RHBDD3: variants seen among roughly 807,000 people sequenced by gnomAD.
RHBDD3 encodes the protein rhomboid domain-containing protein 3.
A neutral mutation model predicts 32.3 loss-of-function variants in RHBDD3; 34 were observed. That is an observed-to-expected ratio of 1.05 (90% CI 0.80 to 1.40). RHBDD3 has a LOEUF of 1.40. Ranked by LOEUF, RHBDD3 falls within the 40% of genes most tolerant of loss-of-function variation. RHBDD3 has a pLI of 0.00. For missense variants in RHBDD3, 482 were observed against 492.6 expected, an observed-to-expected ratio of 0.98 and a Z score of 0.20; for synonymous variants, 249 against 239.1, an observed-to-expected ratio of 1.04 and a Z score of -0.38.
At position 29,259,993 on chromosome 22, in the gene RHBDD3, G is replaced by GGGCTA. The variant is rs1250231667; in HGVS notation, c.*62_*66dup. 2.3e-5 allele frequency: 34 copies of GGGCTA among 1,490,722 alleles called. No homozygotes were observed. The highest frequency in any genetic ancestry group is 3.0e-5 in the Non-Finnish European group (33 of 1,109,250). The allele number at this position is 1,490,722 out of a possible 1,614,324, so 92.3% of individuals were successfully genotyped here. On this transcript the variant is annotated 3_prime_UTR_variant, in exon 7 of 7. Coordinates refer to ENST00000216085, the MANE Select transcript of RHBDD3 (RefSeq NM_012265.3). ...CCCTCTTTAGACAGAGTAGGAGCTC[G>GGGCTA]GGCTACCCACATGCAGCCCAGCCCT...
chr22:29,259,945 G>C lies in RHBDD3; in HGVS notation c.*115C>G. ...CTGGGGGGCCTCTCCTGCCTCCAGA[G>C]GTGCCCCTGCTCCCCACTGTGGCCC... On this transcript the variant is annotated 3_prime_UTR_variant, in exon 7 of 7. Coordinates refer to ENST00000216085, the MANE Select transcript of RHBDD3 (RefSeq NM_012265.3). The C allele has an allele frequency of 2.8e-6, 3 of 1,077,634 alleles. No homozygotes were observed. 66.8% of individuals were successfully genotyped at this position (1,077,634 alleles called of 1,614,324 possible).
chr22:29,263,920 C>T lies in RHBDD3; in HGVS notation c.447G>A (p.Pro149=), dbSNP rs549824670. ...GTGGGGTCAGGGCAAGCAGCAGCCA[C>T]GGCGACAGCCACGGTGGCAGTGCCC... The part of the protein sequence containing the change: ...PRGALPPWLS[P]WLLLALTPLL... The change falls in exon 4 of 7, where the codon CCG becomes CCA. Residue 149 remains proline, a synonymous_variant. Coordinates refer to ENST00000216085, the MANE Select transcript of RHBDD3 (RefSeq NM_012265.3). 2.5e-5 allele frequency: 38 copies of T among 1,549,724 alleles called. No individual in the cohort carries two copies. In the African/African-American group the frequency reaches 3.8e-4, roughly 16 times the overall value.
Position 29,264,147 on chromosome 22 carries a change from GCAGGAGCAGCAGGCT to G in RHBDD3, c.205_219del (p.Ser69_Leu73del). 6.3e-7 allele frequency: 1 copy of G among 1,584,614 alleles called. No individual in the cohort carries two copies. Among genetic ancestry groups the G allele is most frequent in the Non-Finnish European group, 8.6e-7 (1 of 1,166,938 alleles). ...CACTCCTGCTGCCAGCCCACAGTGGGCAGGAGCAGCAGGCTCAGGAGCAGGCCTGGCAGGGCCGTG... is the reference window on the plus strand; with the variant it reads ...CACTCCTGCTGCCAGCCCACAGTGGGCAGGAGCAGGCCTGGCAGGGCCGTG... On this transcript the variant is annotated inframe_deletion, in exon 4 of 7. Transcript: ENST00000216085.
intron 4 of RHBDD3, 63 bp from the exon 5 acceptor site, chr22:29,260,927 G>T: frequency 6.9e-7 from 1 of 1,442,602 alleles, no homozygotes; most frequent in East Asian, 2.4e-5. Flanking sequence ...GTGGGCCCAC[G>T]CCACAGGCCA....
Position 29,264,187 on chromosome 22 carries a change from G to A in RHBDD3, c.180C>T (p.His60=). Reference sequence around the variant, plus strand: ...TCAGGAGCAGGCCTGGCAGGGCCGTGTGGCCCAGGGCATGGGTCAGCAGCC... The same window carrying A: ...TCAGGAGCAGGCCTGGCAGGGCCGTATGGCCCAGGGCATGGGTCAGCAGCC... ...VHRLLTHALG[H]TALPGLLLSL... is the part of the protein sequence containing the mutation. The change falls in exon 4 of 7, where the codon CAC becomes CAT. Residue 60 remains histidine, a synonymous_variant. Coordinates refer to ENST00000216085, the MANE Select transcript of RHBDD3 (RefSeq NM_012265.3). 6.4e-7 allele frequency: 1 copy of A among 1,566,862 alleles called. No individual in the cohort carries two copies. The highest frequency in any genetic ancestry group is 8.6e-7 in the Non-Finnish European group (1 of 1,156,916).
chr22:29,265,698 A>G, intron 2 of RHBDD3, 30 bp from the exon 3 acceptor site: 1 of 1,501,416 alleles, frequency 6.7e-7, no homozygotes, highest in Non-Finnish European at 8.8e-7. Context: ...ATAACAAGTT[A>G]TTACTGGAGC....
At chr22:29,266,533 C>T (rs1390716432) in intron 2 of RHBDD3, among the ~76,000 whole-genome samples, 1 of 152,280 alleles carries the variant, frequency 6.6e-6, no homozygotes, top group African/African-American at 2.4e-5. Flanking sequence ...TAGCCACCAA[C>T]TGGCCCATCG....
intron 4 of RHBDD3, 179 bp from the exon 5 acceptor site, chr22:29,261,043 G>A (rs1014506284): frequency 2.8e-5 from 19 of 687,526 alleles, no homozygotes; most frequent in Admixed American, 2.4e-4. Flanking sequence ...GAAAGGAAAA[G>A]GGATCTGCCT....
intron 3 of RHBDD3, 52 bp downstream of exon 3, chr22:29,265,427 G>C (rs1452639820): frequency 1.4e-6 from 2 of 1,438,896 alleles, no homozygotes; most frequent in Non-Finnish European, 1.8e-6. Flanking sequence ...GTGGGCCCAG[G>C]CCCTACAGCA....
chr22:29,262,635 G>A (rs555305749), intron 4 of RHBDD3, among the ~76,000 whole-genome samples: 36 of 152,344 alleles, frequency 2.4e-4, no homozygotes, highest in African/African-American at 8.4e-4. Context: ...AATCAACTGA[G>A]TAGCATTACC....
Position 29,263,864 on chromosome 22 carries a change from A to T in RHBDD3, c.503T>A (p.Leu168His). The T allele has an allele frequency of 6.5e-7, 1 of 1,543,288 alleles. No individual in the cohort carries two copies. Among genetic ancestry groups the T allele is most frequent in the East Asian group, 2.5e-5 (1 of 40,774 alleles). Residue 168 changes from leucine to histidine, a missense_variant, in exon 4 of 7, where the codon CTC (leucine) becomes CAC (histidine). Leu to His is a moderately conservative substitution (Grantham distance 99). Coordinates refer to ENST00000216085, the MANE Select transcript of RHBDD3 (RefSeq NM_012265.3). ...LLSSEPPFLQ[L>H]LCGLLAGLAY... ...CAGGCCGGCAAGGAGGCCGCAAAGG[A>T]GCTGCAGGAAGGGTGGCTCAGAGCT...
rs112102989 is a variant in RHBDD3, at chr22:29,260,695, C to A, written c.695+7G>T. 7 of 1,570,586 alleles carry A rather than the reference C, an allele frequency of 4.5e-6. No individual in the cohort carries two copies. In the African/African-American group the frequency reaches 5.4e-5, roughly 12 times the overall value. ...ACCTGGACTGGCATCCCCCCCATCACCCTCACCTCACTCCGGCAGGATGGG... is the reference window on the plus strand; with the variant it reads ...ACCTGGACTGGCATCCCCCCCATCAACCTCACCTCACTCCGGCAGGATGGG... On this transcript the variant is annotated splice_region_variant and intron_variant, in intron 5 of 6. Transcript: ENST00000216085.
rs987440329 is a variant in RHBDD3, at chr22:29,260,749, G to A, written c.648C>T (p.Thr216=). The A allele has an allele frequency of 2.5e-6, 4 of 1,599,612 alleles. No homozygotes were observed. The African/African-American group carries it at 4.0e-5, about 16-fold the overall frequency. ...CAGGCAGCTCCGCCAGGCTACCCGG[G>A]GTGGCAAGGAGCCTCAGGGGCCAGC... ...AGCWPLRLLA[T]PGSLAELPVT... Residue 216 remains threonine (T), a synonymous_variant, in exon 5 of 7, where the codon ACC becomes ACT. Coordinates refer to ENST00000216085, the MANE Select transcript of RHBDD3 (RefSeq NM_012265.3).
Position 29,264,119 on chromosome 22 carries a change from T to C in RHBDD3, c.248A>G (p.His83Arg), listed in dbSNP as rs1354048882. The C allele has an allele frequency of 2.5e-6, 4 of 1,584,968 alleles. No individual in the cohort carries two copies. The part of the protein sequence containing the change: ...LPTVGWQQEC[H>R]LGTLRFLHAS... ...ATGCAGGAATCTCAGCGTGCCCAGG[T>C]GGCACTCCTGCTGCCAGCCCACAGT... is the stretch of plus-strand genomic sequence containing the variant. The change falls in exon 4 of 7, where the codon CAC becomes CGC. Residue 83 changes from histidine (H) to arginine (R), a missense_variant. By Grantham distance (29) the His-to-Arg change is conservative. Transcript: ENST00000216085.
intron 4 of RHBDD3, among the ~76,000 whole-genome samples, chr22:29,263,433 C>G (rs1385229925): frequency 1.3e-5 from 2 of 152,346 alleles, no homozygotes; most frequent in African/African-American, 4.8e-5. Flanking sequence ...CCCGCCTGGC[C>G]TCCCAAAGTG....
chr22:29,267,466 C>T lies in RHBDD3; in HGVS notation c.-83G>A, dbSNP rs1359704047. ...GGAGGGCAGAATGGAAAGACAAGGA[C>T]GGAGATTCTTCCGGTGGCGGATAGA... On this transcript the variant is annotated 5_prime_UTR_variant, in exon 2 of 7. Coordinates refer to ENST00000216085, the MANE Select transcript of RHBDD3 (RefSeq NM_012265.3). The T allele has an allele frequency of 6.5e-6, 1 of 152,870 alleles. No homozygotes were observed. The highest frequency in any genetic ancestry group is 1.5e-5 in the Non-Finnish European group (1 of 68,200). The allele number at this position is 152,870 out of a possible 1,614,324, so 9.5% of individuals were successfully genotyped here.
In RHBDD3 at chr22:29,260,722, G is replaced by A; in HGVS notation, c.675C>T (p.Val225=). Residue 225 remains valine (V), a synonymous_variant, in exon 5 of 7, where the codon GTC becomes GTT. Transcript: ENST00000216085. Reference sequence around the variant, plus strand: ...CTCACCTCACTCCGGCAGGATGGGTGACAGGCAGCTCCGCCAGGCTACCCG... The same window carrying A: ...CTCACCTCACTCCGGCAGGATGGGTAACAGGCAGCTCCGCCAGGCTACCCG... The part of the protein sequence containing the change: ...ATPGSLAELP[V]THPAGVRPPI... 6.3e-7 allele frequency: 1 copy of A among 1,589,532 alleles called. No individual in the cohort carries two copies. The highest frequency in any genetic ancestry group is 8.6e-7 in the Non-Finnish European group (1 of 1,168,672).
In RHBDD3 at chr22:29,263,911, C is replaced by G. The variant is rs2058147655; in HGVS notation, c.456G>C (p.Leu152=). 1 of 1,549,418 alleles carries G rather than the reference C, an allele frequency of 6.5e-7. No individual in the cohort carries two copies. ...ALPPWLSPWL[L]LALTPLLSSE... is the part of the protein sequence containing the mutation. ...AGCTGAGCAGTGGGGTCAGGGCAAGCAGCAGCCACGGCGACAGCCACGGTG... is the reference window on the plus strand; with the variant it reads ...AGCTGAGCAGTGGGGTCAGGGCAAGGAGCAGCCACGGCGACAGCCACGGTG... Residue 152 remains leucine (L), a synonymous_variant, in exon 4 of 7, where the codon CTG becomes CTC. Transcript: ENST00000216085.
At chr22:29,267,021 A>AC (rs2058212868) in intron 2 of RHBDD3, among the ~76,000 whole-genome samples, 1 of 152,194 alleles carries the variant, frequency 6.6e-6, no homozygotes, top group Admixed American at 6.5e-5. Flanking sequence ...GTCTGAGCTC[A>AC]TGGCTCCTCT....
Sources: gnomAD v4.1 joint callset for allele counts (sites outside exome capture counted in the v4.1 genomes callset) on GRCh38, gnomAD v4.1.1 for gene constraint, MANE v1.5 for transcripts, NCBI Gene and HGNC (gene_info 2026-07-23, HGNC 2026-07-21) for gene names.